The following PITPNB variants were observed in gnomAD, a reference collection of about 807,000 sequenced individuals.
The protein encoded by PITPNB is phosphatidylinositol transfer protein beta isoform.
Under a neutral mutation model 45.9 loss-of-function variants are expected in PITPNB, and 16 were observed. The ratio of observed to expected loss-of-function variants is 0.35; its 90% confidence interval spans 0.24 to 0.53. The LOEUF is 0.53. PITPNB is among the 20% of genes least tolerant of loss of function. The probability of loss-of-function intolerance (pLI) is 0.93; values close to 1 mark genes in which losing one functional copy is unlikely to be tolerated. For missense variants in PITPNB, 188 were observed against 330.5 expected (o/e 0.57, Z 3.34); for synonymous variants, 112 against 108.9 (o/e 1.03, Z -0.18).
At chr22:27,863,834 T>A (rs1219166904) in intron 8 of PITPNB, among the ~76,000 whole-genome samples, 2 of 152,238 alleles carry the variant, frequency 1.3e-5, no homozygotes, top group Non-Finnish European at 2.9e-5. Context: ...ATTTCTCACA[T>A]TCTTTCTAGT....
At chr22:27,894,836 A>G (rs576898725) in intron 6 of PITPNB, among the ~76,000 whole-genome samples, 198 bp from the exon 7 acceptor site, 12 of 152,318 alleles carry the variant, frequency 7.9e-5, no homozygotes, top group Admixed American at 3.3e-4. Context: ...CCCAAATAAT[A>G]AGGAAGGAGA....
chr22:27,909,041 C>G (rs1935842454), intron 3 of PITPNB, among the ~76,000 whole-genome samples: 1 of 152,024 alleles, frequency 6.6e-6, no homozygotes, highest in African/African-American at 2.4e-5. Flanking sequence ...CTGATCATGA[C>G]AGCTACAACT....
intron 7 of PITPNB, among the ~76,000 whole-genome samples, chr22:27,892,563 C>A (rs1053202117): frequency 2.6e-5 from 4 of 152,310 alleles, no homozygotes; most frequent in African/African-American, 7.2e-5. Context: ...TGATGGGCAG[C>A]TCCAGGCTTG....
At chr22:27,896,527 C>A in intron 6 of PITPNB, 25 bp downstream of exon 6, 1 of 1,512,544 alleles carries the variant, frequency 6.6e-7, no homozygotes. Flanking sequence ...GACTTTTGTA[C>A]TAAAAGTGCA....
chr22:27,918,799 C>T (rs1936171519), intron 1 of PITPNB, among the ~76,000 whole-genome samples: 1 of 152,226 alleles, frequency 6.6e-6, no homozygotes, highest in Admixed American at 6.5e-5. Context: ...TCTCTCCCAC[C>T]CTCGGACTGC....
chr22:27,894,847 G>C (rs1317500091), intron 6 of PITPNB, among the ~76,000 whole-genome samples: 2 of 152,142 alleles, frequency 1.3e-5, no homozygotes, highest in Admixed American at 1.3e-4. Context: ...AGGAAGGAGA[G>C]AATGAGGATG....
chr22:27,911,641 T>C (rs775246132), intron 2 of PITPNB, among the ~76,000 whole-genome samples: 55 of 152,274 alleles, frequency 3.6e-4, no homozygotes, highest in Non-Finnish European at 7.6e-4. Flanking sequence ...AGTCCAAATC[T>C]TAGTAGACTT....
chr22:27,865,521 G>A (rs1228048951), intron 8 of PITPNB, among the ~76,000 whole-genome samples: 1 of 152,188 alleles, frequency 6.6e-6, no homozygotes, highest in Admixed American at 6.5e-5. Flanking sequence ...GAAGAAATGT[G>A]TAACCTTTAA....
intron 3 of PITPNB, among the ~76,000 whole-genome samples, chr22:27,902,935 TGCCCGG>T (rs1220530740): frequency 2.6e-5 from 4 of 152,122 alleles, no homozygotes; most frequent in African/African-American, 9.7e-5. Context: ...TTTGCTATAT[TGCCCGG>T]GCTGGTCTTG....
chr22:27,908,783 T>C (rs1569034118), intron 3 of PITPNB, among the ~76,000 whole-genome samples: 1 of 152,206 alleles, frequency 6.6e-6, no homozygotes, highest in East Asian at 1.9e-4. Flanking sequence ...CTTAGGGTAC[T>C]AACAAATTAA....
In PITPNB at chr22:27,897,801, T is replaced by C. The variant is rs1271835798; in HGVS notation, c.289A>G (p.Ile97Val). 6.2e-7 allele frequency: 1 copy of C among 1,606,486 alleles called. No homozygotes were observed. The highest frequency in any genetic ancestry group is 1.7e-5 in the Admixed American group (1 of 59,998). ...AATGGCTGCTGGGGGCCAAGCTTAC[T>C]TGTTCTACAGTAGGGGTACGCATTC... ...AWNAYPYCRTIVTNEYMKDDF... is the reference protein window; with the variant it reads ...AWNAYPYCRTVVTNEYMKDDF... Residue 97 changes from isoleucine (I) to valine (V), a missense_variant and splice_region_variant, in exon 4 of 12, where the codon ATT (isoleucine) becomes GTT (valine). By Grantham distance (29) the Ile-to-Val change is conservative. Transcript: ENST00000335272.
intron 8 of PITPNB, among the ~76,000 whole-genome samples, chr22:27,864,821 C>T (rs2146354757): frequency 6.6e-6 from 1 of 151,798 alleles, no homozygotes; most frequent in Non-Finnish European, 1.5e-5. Flanking sequence ...GCCTATAATC[C>T]CAGTTACTTG....
At chr22:27,907,809 G>T (rs889308273) in intron 3 of PITPNB, among the ~76,000 whole-genome samples, 1 of 152,122 alleles carries the variant, frequency 6.6e-6, no homozygotes, top group African/African-American at 2.4e-5. Flanking sequence ...CTTATTAGCT[G>T]TGACCTTGGG....
At chr22:27,883,065 C>T (rs1239971196) in intron 7 of PITPNB, among the ~76,000 whole-genome samples, 2 of 152,200 alleles carry the variant, frequency 1.3e-5, no homozygotes, top group African/African-American at 4.8e-5. Flanking sequence ...CTTCAAAATA[C>T]ATCAGAGTTC....
intron 6 of PITPNB, among the ~76,000 whole-genome samples, chr22:27,896,065 A>G (rs1569025981): frequency 1.3e-5 from 2 of 152,256 alleles, no homozygotes; most frequent in Non-Finnish European, 2.9e-5. Context: ...ACCAACTTAT[A>G]TAAGTCAACA....
At chr22:27,872,133 G>A (rs966644989) in intron 8 of PITPNB, among the ~76,000 whole-genome samples, 76 of 113,046 alleles carry the variant, frequency 6.7e-4, no homozygotes, top group African/African-American at 2.5e-3. Flanking sequence ...TCACTCTGTC[G>A]CCCAGGTTGG....
chr22:27,854,676 A>G (rs1934121636), intron 11 of PITPNB, among the ~76,000 whole-genome samples, 178 bp downstream of exon 11: 1 of 152,252 alleles, frequency 6.6e-6, no homozygotes, highest in African/African-American at 2.4e-5. Flanking sequence ...CCTGGTCCAC[A>G]GGTAAAATTT....
chr22:27,871,370 A>G (rs139489156), intron 8 of PITPNB, among the ~76,000 whole-genome samples: 6 of 152,202 alleles, frequency 3.9e-5, no homozygotes, highest in Non-Finnish European at 7.3e-5. Flanking sequence ...AAAGCTAATA[A>G]TTTCAAGAAA....
chr22:27,890,044 A>C (rs557918882), intron 7 of PITPNB, among the ~76,000 whole-genome samples: 1 of 152,214 alleles, frequency 6.6e-6, no homozygotes, highest in East Asian at 1.9e-4. Context: ...GGCGGAAATT[A>C]AAGGGTTAGA....
Sources: gnomAD v4.1 joint callset for allele counts (sites outside exome capture counted in the v4.1 genomes callset) on GRCh38, gnomAD v4.1.1 for gene constraint, MANE v1.5 for transcripts, NCBI Gene and HGNC (gene_info 2026-07-23, HGNC 2026-07-21) for gene names.